Variants in PKNOX2 observed in about 807,000 individuals in gnomAD.
PKNOX2 encodes homeobox protein PKNOX2.
PKNOX2 carries 14 observed loss-of-function variants against 53.1 expected under a neutral mutation model. The ratio of observed to expected loss-of-function variants is 0.26; its 90% confidence interval spans 0.17 to 0.41. PKNOX2 has a LOEUF of 0.41. Among genes scored for constraint, PKNOX2 ranks in the 10% least tolerant of loss-of-function variants. The pLI, the probability that PKNOX2 is intolerant of heterozygous loss-of-function variation, is 1.00. For missense variants in PKNOX2, 496 were observed against 602.8 expected, an observed-to-expected ratio of 0.82 and a Z score of 1.85; for synonymous variants, 257 against 242.8, an observed-to-expected ratio of 1.06 and a Z score of -0.54.
intron 1 of PKNOX2, among the ~76,000 whole-genome samples, chr11:125,221,404 C>T (rs1941139080): frequency 6.6e-6 from 1 of 152,128 alleles, no homozygotes; most frequent in Non-Finnish European, 1.5e-5. Context: ...GTTTGGGGCA[C>T]ATTTACCCCC....
rs376531088 is a variant in PKNOX2 at position 125,235,672 on chromosome 11, G to C, written c.-130+557G>C. The stretch of plus-strand genomic sequence containing the variant: ...CTTGGCAAAAGTCTACCCACCTGTG[G>C]GACCCGGCCTAAGTCCAGCCTCCTC... On this transcript the variant is annotated intron_variant, in intron 2 of 12. Transcript: ENST00000298282. Among the ~76,000 whole-genome samples, 35 of 152,270 alleles carry C rather than the reference G, an allele frequency of 2.3e-4. No homozygotes were observed. The East Asian group carries it at 6.0e-3, about 26-fold the overall frequency.
In PKNOX2 at chr11:125,201,771, T is replaced by G. The variant is rs143167555; in HGVS notation, c.-200-33274T>G. 4.6e-5 allele frequency among the ~76,000 whole-genome samples: 7 copies of G among 152,298 alleles called. No homozygotes were observed. The South Asian group carries it at 1.4e-3, about 32-fold the overall frequency. On this transcript the variant is annotated intron_variant, in intron 1 of 12. Coordinates refer to ENST00000298282, the MANE Select transcript of PKNOX2 (RefSeq NM_001382323.2). The stretch of plus-strand genomic sequence containing the variant: ...TTCCTCAGCCTTACTTCCTTCAAGG[T>G]TTTCTTCCAGAGCCTTATCTCAGGC...
At chr11:125,376,386 C>T (rs1388666383) in intron 5 of PKNOX2, among the ~76,000 whole-genome samples, 1 of 152,162 alleles carries the variant, frequency 6.6e-6, no homozygotes, top group Admixed American at 6.5e-5. Context: ...TCGCTCCCAC[C>T]CCCCTCTGTT....
At chr11:125,247,449 A>G (rs1282570989) in intron 2 of PKNOX2, among the ~76,000 whole-genome samples, 1 of 152,156 alleles carries the variant, frequency 6.6e-6, no homozygotes, top group East Asian at 1.9e-4. Context: ...AGGCCAAAGT[A>G]TGATGTCCTA....
At chr11:125,302,409 C>G (rs1948139158) in intron 2 of PKNOX2, among the ~76,000 whole-genome samples, 1 of 152,208 alleles carries the variant, frequency 6.6e-6, no homozygotes, top group Non-Finnish European at 1.5e-5. Context: ...ACACTCTCCT[C>G]TGATGCTGAT....
chr11:125,354,867 G>GTTA lies in PKNOX2; in HGVS notation c.87+3475_87+3476insTTA, dbSNP rs539613854. 3.1e-3 allele frequency among the ~76,000 whole-genome samples: 479 copies of GTTA among 152,288 alleles called. 4 individuals carry two copies. The highest frequency in any genetic ancestry group is 0.011 in the African/African-American group (447 of 41,558). ...TGATACGATGGCTAAGCGGCTTCTA[G>GTTA]CCCCTTAGTTCTGTTGCAGTCCATC... On this transcript the variant is annotated intron_variant, in intron 4 of 12. Coordinates refer to ENST00000298282, the MANE Select transcript of PKNOX2 (RefSeq NM_001382323.2).
Position 125,367,884 on chromosome 11 carries a change from T to A in PKNOX2, c.126T>A (p.Ala42=). 6.2e-7 allele frequency: 1 copy of A among 1,613,554 alleles called. No homozygotes were observed. Among genetic ancestry groups the A allele is most frequent in the Non-Finnish European group, 8.5e-7 (1 of 1,179,904 alleles). The part of the protein sequence containing the change: ...ATAQPPSKAQ[A]VHISAPSAAA... Reference sequence around the variant, plus strand: ...CCCAGCCACCCTCCAAGGCCCAGGCTGTCCACATCTCTGCCCCCTCAGCTG... The same window carrying A: ...CCCAGCCACCCTCCAAGGCCCAGGCAGTCCACATCTCTGCCCCCTCAGCTG... The change falls in exon 5 of 13, where the codon GCT becomes GCA. Residue 42 remains alanine, a synonymous_variant. Coordinates refer to ENST00000298282, the MANE Select transcript of PKNOX2 (RefSeq NM_001382323.2).
intron 1 of PKNOX2, among the ~76,000 whole-genome samples, chr11:125,226,592 A>G (rs930733744): frequency 6.6e-5 from 10 of 152,036 alleles, no homozygotes; most frequent in African/African-American, 2.4e-4. Context: ...TGACTGCTGC[A>G]TCACATTAGG....
chr11:125,288,416 T>C (rs1947057130), intron 2 of PKNOX2, among the ~76,000 whole-genome samples: 1 of 152,200 alleles, frequency 6.6e-6, no homozygotes, highest in African/African-American at 2.4e-5. Context: ...CACTGAACTC[T>C]TCTCCATCAC....
chr11:125,346,811 A>C (rs1950998723), intron 3 of PKNOX2, among the ~76,000 whole-genome samples: 1 of 149,042 alleles, frequency 6.7e-6, no homozygotes, highest in Non-Finnish European at 1.5e-5. Context: ...GGAAAGGAGG[A>C]TGGAAGGGGG....
intron 2 of PKNOX2, among the ~76,000 whole-genome samples, chr11:125,289,716 T>C (rs12800443): frequency 0.23 from 35,199 of 151,908 alleles, 4,978 homozygotes; most frequent in African/African-American, 0.4. Context: ...AGGGGTATCG[T>C]CCAGCCAGGA....
In PKNOX2 at chr11:125,406,922, A is replaced by T. The variant is rs1408112454; in HGVS notation, c.589-3274A>T. 6.6e-3 allele frequency among the ~76,000 whole-genome samples: 827 copies of T among 124,732 alleles called. 18 individuals carry two copies. The highest frequency in any genetic ancestry group is 0.022 in the African/African-American group (786 of 36,494). 81.8% of individuals were successfully genotyped at this position (124,732 alleles called of 152,430 possible). ...TGGCCCTGAGAATCTATGTCTAAAA[A>T]AAAAAAAAAAAAAAAAAAAAAAAAG... On this transcript the variant is annotated intron_variant, in intron 7 of 12. Coordinates refer to ENST00000298282, the MANE Select transcript of PKNOX2 (RefSeq NM_001382323.2).
chr11:125,191,237 T>C (rs1023292367), intron 1 of PKNOX2: 1 of 152,216 alleles, frequency 6.6e-6, no homozygotes, highest in Non-Finnish European at 1.5e-5. Context: ...CTAATGCAGA[T>C]GGCAGAGGCA....
intron 1 of PKNOX2, among the ~76,000 whole-genome samples, chr11:125,183,935 G>T (rs1404324527): frequency 3.3e-5 from 5 of 152,038 alleles, no homozygotes; most frequent in Non-Finnish European, 5.9e-5. Flanking sequence ...TTTCCTGTGG[G>T]GGTTTCTTCT....
intron 6 of PKNOX2, among the ~76,000 whole-genome samples, chr11:125,388,783 G>C (rs906465809): frequency 6.6e-6 from 1 of 152,078 alleles, no homozygotes; most frequent in African/African-American, 2.4e-5. Flanking sequence ...CTGATCCGAA[G>C]ATCAGAGAGG....
intron 11 of PKNOX2, among the ~76,000 whole-genome samples, chr11:125,429,714 A>G (rs1247347591): frequency 1.3e-5 from 2 of 152,140 alleles, no homozygotes; most frequent in Admixed American, 6.5e-5. Flanking sequence ...TTCAACCTGG[A>G]AGGTCTTGAG....
chr11:125,197,369 C>A (rs1937843113), intron 1 of PKNOX2, among the ~76,000 whole-genome samples: 2 of 152,164 alleles, frequency 1.3e-5, no homozygotes, highest in South Asian at 4.1e-4. Flanking sequence ...GGACTGCCCA[C>A]CCAGGTCCTC....
intron 2 of PKNOX2, among the ~76,000 whole-genome samples, chr11:125,301,189 A>G (rs533117471): frequency 6.6e-6 from 1 of 152,278 alleles, no homozygotes; most frequent in African/African-American, 2.4e-5. Context: ...GATGCTGCCA[A>G]TCCACTGCTG....
At chr11:125,291,295 G>A (rs1037890216) in intron 2 of PKNOX2, among the ~76,000 whole-genome samples, 1 of 152,120 alleles carries the variant, frequency 6.6e-6, no homozygotes, top group Non-Finnish European at 1.5e-5. Flanking sequence ...AGTACCATGG[G>A]GAGTGGTATG....
Sources: allele counts gnomAD v4.1 joint callset (sites outside exome capture counted in the v4.1 genomes callset), GRCh38; gene constraint gnomAD v4.1.1; transcripts MANE v1.5; gene names NCBI Gene and HGNC (gene_info 2026-07-23, HGNC 2026-07-21).